Variants in EIF3H observed in about 807,000 individuals in gnomAD.
The protein encoded by EIF3H is eukaryotic translation initiation factor 3 subunit H.
EIF3H carries 26 observed loss-of-function variants against 44.2 expected under a neutral mutation model. That is an observed-to-expected ratio of 0.59 (90% CI 0.43 to 0.82). EIF3H has a LOEUF of 0.82. Among genes scored for constraint, EIF3H ranks in the 40% least tolerant of loss-of-function variants. The pLI is 0.00. For missense variants in EIF3H, 359 were observed against 432.8 expected, an observed-to-expected ratio of 0.83 and a Z score of 1.51; for synonymous variants, 166 against 151.9, an observed-to-expected ratio of 1.09 and a Z score of -0.68.
At chr8:116,715,143 A>G (rs558055257) in intron 2 of EIF3H, among the ~76,000 whole-genome samples, 2 of 152,226 alleles carry the variant, frequency 1.3e-5, no homozygotes, top group South Asian at 4.1e-4. Flanking sequence ...ACTACTCTAA[A>G]TACATCAATA....
At chr8:116,696,913 AG>A in intron 2 of EIF3H, 1 of 324,358 alleles carries the variant, frequency 3.1e-6, no homozygotes, top group Non-Finnish European at 6.1e-6. Context: ...CTTTTGTAAA[AG>A]AAAACACAAA....
intron 1 of EIF3H, among the ~76,000 whole-genome samples, chr8:116,733,053 A>G (rs1814978151): frequency 6.6e-6 from 1 of 152,182 alleles, no homozygotes; most frequent in Non-Finnish European, 1.5e-5. Flanking sequence ...CCAACCAGTT[A>G]TAAATCAGGA....
chr8:116,718,720 G>A (rs1025667370), intron 2 of EIF3H, among the ~76,000 whole-genome samples: 1 of 132,944 alleles, frequency 7.5e-6, no homozygotes, highest in Non-Finnish European at 1.6e-5. Flanking sequence ...TGAGGAATTG[G>A]AGAAAGGGTC....
chr8:116,655,917 A>G lies in EIF3H; in HGVS notation c.646T>C (p.Trp216Arg), dbSNP rs779048876. ...ACAGCTGACTTCTTTTCAAGTTCCCACATTAGGACATTGATCAGATGTGAA... is the reference window on the plus strand; with the variant it reads ...ACAGCTGACTTCTTTTCAAGTTCCCGCATTAGGACATTGATCAGATGTGAA... ...KNSHLINVLMWELEKKSAVAD... is the reference protein window; with the variant it reads ...KNSHLINVLMRELEKKSAVAD... The change falls in exon 5 of 8, where the codon TGG (tryptophan) becomes CGG (arginine). Residue 216 changes from tryptophan to arginine, a missense_variant. By Grantham distance (101) the Trp-to-Arg change is moderately radical. This residue lies in a region of EIF3H where 85 missense variants were observed against 79.2 expected (regional missense o/e 1.07). Transcript: ENST00000521861. 1 of 1,613,802 alleles carries G rather than the reference A, an allele frequency of 6.2e-7. No individual in the cohort carries two copies. The highest frequency in any genetic ancestry group is 8.5e-7 in the Non-Finnish European group (1 of 1,179,778).
chr8:116,764,782 G>C (rs1016439028), intron 1 of EIF3H, among the ~76,000 whole-genome samples: 4 of 152,184 alleles, frequency 2.6e-5, no homozygotes, highest in Non-Finnish European at 5.9e-5. Flanking sequence ...GGCTCCCGAA[G>C]TTCTGGTATT....
chr8:116,694,336 C>T (rs1291657097), intron 2 of EIF3H, among the ~76,000 whole-genome samples: 2 of 152,100 alleles, frequency 1.3e-5, no homozygotes, highest in African/African-American at 2.4e-5. Flanking sequence ...TTTGAAATTG[C>T]ATTTCTTTCA....
intron 2 of EIF3H, among the ~76,000 whole-genome samples, chr8:116,694,379 G>T (rs754640091): frequency 5.3e-5 from 8 of 152,166 alleles, no homozygotes; most frequent in African/African-American, 1.9e-4. Flanking sequence ...TTTTACACAT[G>T]TAAGTGCCAT....
At chr8:116,739,886 C>T (rs947374025) in intron 1 of EIF3H, among the ~76,000 whole-genome samples, 6 of 152,148 alleles carry the variant, frequency 3.9e-5, no homozygotes, top group Non-Finnish European at 8.8e-5. Flanking sequence ...TACAGCAATG[C>T]TTCTCAGGTT....
At chr8:116,663,466 T>C (rs1174030572) in intron 2 of EIF3H, among the ~76,000 whole-genome samples, 4 of 152,108 alleles carry the variant, frequency 2.6e-5, no homozygotes, top group African/African-American at 4.8e-5. Flanking sequence ...CCTGGAGAAA[T>C]TTCCCAAAGA....
chr8:116,665,900 A>G (rs935867904), intron 2 of EIF3H, among the ~76,000 whole-genome samples: 5 of 152,260 alleles, frequency 3.3e-5, no homozygotes, highest in African/African-American at 9.6e-5. Context: ...AAAGAATTAA[A>G]TAAGAGTCTA....
In EIF3H at chr8:116,643,416, T is replaced by C. The variant is rs1813253122; in HGVS notation, c.*1590A>G. The C allele has an allele frequency of 6.6e-6, 1 of 152,224 alleles. No individual in the cohort carries two copies. The highest frequency in any genetic ancestry group is 1.5e-5 in the Non-Finnish European group (1 of 68,036). 9.4% of individuals were successfully genotyped at this position (152,224 alleles called of 1,614,324 possible). ...GTGAGCAAGTACTTGGATTCTAGAA[T>C]GTTCTAGGCCCTGAGCTTTTTAAAG... On this transcript the variant is annotated 3_prime_UTR_variant, in exon 8 of 8. Coordinates refer to ENST00000521861, the MANE Select transcript of EIF3H (RefSeq NM_003756.3).
At chr8:116,683,517 A>G (rs1486848252) in intron 2 of EIF3H, among the ~76,000 whole-genome samples, 1 of 152,188 alleles carries the variant, frequency 6.6e-6, no homozygotes, top group African/African-American at 2.4e-5. Context: ...AGCTATCATC[A>G]CACTGAGGGT....
chr8:116,649,811 G>C (rs1042358462), intron 5 of EIF3H, among the ~76,000 whole-genome samples: 1 of 152,198 alleles, frequency 6.6e-6, no homozygotes, highest in African/African-American at 2.4e-5. Flanking sequence ...AGAAGGGGGA[G>C]GTGAAGAGAC....
At chr8:116,738,014 G>T (rs1179379853) in intron 1 of EIF3H, among the ~76,000 whole-genome samples, 1 of 135,694 alleles carries the variant, frequency 7.4e-6, no homozygotes, top group Non-Finnish European at 1.5e-5. Flanking sequence ...CAGCCTGGGC[G>T]ACACAGCGAG....
Position 116,655,838 on chromosome 8 carries a change from T to C in EIF3H, c.707+18A>G. On this transcript the variant is annotated intron_variant, in intron 5 of 7. Transcript: ENST00000521861. ...AAAGTTCTAAAACATGGGCTTTTCA[T>C]TAGGCAGGGCCACTTACCTGCTGGC... 6.2e-7 allele frequency: 1 copy of C among 1,610,654 alleles called. No homozygotes were observed. The highest frequency in any genetic ancestry group is 8.5e-7 in the Non-Finnish European group (1 of 1,178,866).
rs181670955 is a variant in EIF3H at position 116,716,486 on chromosome 8, C to G, written c.289+9530G>C. Among the ~76,000 whole-genome samples, 37 of 152,044 alleles carry G rather than the reference C, an allele frequency of 2.4e-4. 1 individual carries two copies. The highest frequency in any genetic ancestry group is 1.9e-4 in the Non-Finnish European group (13 of 67,936). ...AGTGCTCAAAATATATTCTGAGCTC[C>G]GTCAAGATTAAAGGTAACATCAAGA... On this transcript the variant is annotated intron_variant, in intron 2 of 7. Coordinates refer to ENST00000521861, the MANE Select transcript of EIF3H (RefSeq NM_003756.3).
At chr8:116,682,265 C>T (rs544000236) in intron 2 of EIF3H, among the ~76,000 whole-genome samples, 6 of 152,132 alleles carry the variant, frequency 3.9e-5, no homozygotes, top group Non-Finnish European at 7.4e-5. Context: ...GCTTGGCAAT[C>T]GGGGCAATAC....
At chr8:116,697,315 T>C (rs1372196420) in intron 2 of EIF3H, 1 of 402,834 alleles carries the variant, frequency 2.5e-6, no homozygotes, top group African/African-American at 2.1e-5. Context: ...AAAAATTGCA[T>C]GCCTGCTTGC....
chr8:116,692,962 T>C (rs1814204453), intron 2 of EIF3H, among the ~76,000 whole-genome samples: 2 of 152,142 alleles, frequency 1.3e-5, no homozygotes, highest in South Asian at 4.1e-4. Context: ...TCCTGATCTT[T>C]CCACTTGGGA....
Sources: allele counts gnomAD v4.1 joint callset (sites outside exome capture counted in the v4.1 genomes callset), GRCh38; gene constraint gnomAD v4.1.1; regional missense constraint gnomAD v4.1.1; transcripts MANE v1.5; gene names NCBI Gene and HGNC (gene_info 2026-07-23, HGNC 2026-07-21).